Variants in NLGN4X observed in about 807,000 individuals in gnomAD.
NLGN4X encodes the protein neuroligin 4 X-linked, also known as neuroligin-4, X-linked.
NLGN4X carries 3 observed loss-of-function variants against 40.3 expected under a neutral mutation model. The ratio of observed to expected loss-of-function variants is 0.07; its 90% CI spans 0.03 to 0.19. The LOEUF (loss-of-function observed/expected upper bound fraction) is 0.19. NLGN4X is among the 10% of genes least tolerant of loss of function. The probability of loss-of-function intolerance (pLI) is 1.00; values close to 1 mark genes in which losing one functional copy is unlikely to be tolerated. For missense variants in NLGN4X, 382 were observed against 708.3 expected, an observed-to-expected ratio of 0.54 and a Z score of 5.23; for synonymous variants, 270 against 306.8, an observed-to-expected ratio of 0.88 and a Z score of 1.25.
intron 5 of NLGN4X, among the ~76,000 whole-genome samples, chrX:5,897,920 TTC>T (rs75817543): frequency 0.31 from 28,857 of 94,198 alleles, 4,738 homozygotes; most frequent in East Asian, 0.63. Flanking sequence ...CTTCCCTCTT[TTC>T]TCTCTCTTAC....
At chrX:6,193,949 C>T (rs1411765593) in intron 1 of NLGN4X, among the ~76,000 whole-genome samples, 1 of 112,257 alleles carries the variant, frequency 8.9e-6, no homozygotes, top group Non-Finnish European at 1.9e-5. Flanking sequence ...AGAACTAATC[C>T]TCAACCTGCA....
At chrX:6,181,296 C>T (rs2147803226) in intron 1 of NLGN4X, among the ~76,000 whole-genome samples, 1 of 111,559 alleles carries the variant, frequency 9.0e-6, no homozygotes, top group Admixed American at 9.6e-5. Flanking sequence ...ACGCTCATAC[C>T]ACGGAACTAA....
At chrX:5,998,705 T>G (rs2147121089) in intron 3 of NLGN4X, among the ~76,000 whole-genome samples, 1 of 112,309 alleles carries the variant, frequency 8.9e-6, no homozygotes, top group South Asian at 3.7e-4. Context: ...CAGTTGCATT[T>G]TAAACACTGG....
rs186635672 is a variant in NLGN4X, at chrX:6,026,219, A to G, written c.625+3061T>C. 4.2e-3 allele frequency among the ~76,000 whole-genome samples: 426 copies of G among 102,178 alleles called. 4 individuals are homozygous for G. Among genetic ancestry groups the G allele is most frequent in the African/African-American group, 0.014 (407 of 29,362 alleles). 88.7% of individuals were successfully genotyped at this position (102,178 alleles called of 115,157 possible). A position where few individuals can be genotyped will look rare whatever the true frequency, so the allele number is the denominator to read the frequency against. On this transcript the variant is annotated intron_variant, in intron 3 of 5. Coordinates refer to ENST00000381095, the MANE Select transcript of NLGN4X (RefSeq NM_181332.3). ...TTTAATCCTCTCTTTTGGGTAACAG[A>G]GAATAGCATTTGTTACTCCATTAAA...
chrX:6,183,122 T>C (rs1023719460), intron 1 of NLGN4X, among the ~76,000 whole-genome samples: 3 of 112,382 alleles, frequency 2.7e-5, no homozygotes, highest in Admixed American at 9.4e-5. Context: ...CGATTCTCTA[T>C]AACCATCTAG....
At chrX:5,899,873 T>C (rs1258555284) in intron 5 of NLGN4X, among the ~76,000 whole-genome samples, 1 of 111,762 alleles carries the variant, frequency 8.9e-6, no homozygotes, top group Non-Finnish European at 1.9e-5. Context: ...TCATATAAAG[T>C]TTATTTTCAA....
intron 2 of NLGN4X, among the ~76,000 whole-genome samples, chrX:6,029,804 T>A (rs1644857921): frequency 8.9e-6 from 1 of 111,828 alleles, no homozygotes; most frequent in Non-Finnish European, 1.9e-5. Flanking sequence ...ATGAAATATA[T>A]TTTATCTTCT....
chrX:5,906,702 C>T (rs1054164765), intron 4 of NLGN4X, among the ~76,000 whole-genome samples: 1 of 110,700 alleles, frequency 9.0e-6, no homozygotes, highest in African/African-American at 3.3e-5. Context: ...TTTGTACAAA[C>T]GGGGTCTCGC....
chrX:6,000,691 G>T (rs2035950580), intron 3 of NLGN4X, among the ~76,000 whole-genome samples: 1 of 111,716 alleles, frequency 9.0e-6, no homozygotes, highest in Non-Finnish European at 1.9e-5. Context: ...GACCACCTCA[G>T]CCTGGACTTC....
chrX:6,133,056 C>T (rs1369707643), intron 2 of NLGN4X, among the ~76,000 whole-genome samples: 5 of 111,461 alleles, frequency 4.5e-5, no homozygotes, highest in Non-Finnish European at 9.4e-5. Flanking sequence ...TCATTATTAT[C>T]GCCATAAATT....
intron 2 of NLGN4X, among the ~76,000 whole-genome samples, chrX:6,046,993 CATT>C (rs2037341100): frequency 9.3e-6 from 1 of 107,621 alleles, no homozygotes; most frequent in East Asian, 2.9e-4. Flanking sequence ...ATTATACATA[CATT>C]ATTTATTTCA....
intron 3 of NLGN4X, among the ~76,000 whole-genome samples, chrX:5,960,403 A>G (rs944064172): frequency 7.2e-5 from 8 of 111,530 alleles, no homozygotes; most frequent in African/African-American, 2.3e-4. Flanking sequence ...ATTTCACTAT[A>G]TTATACATTT....
At chrX:5,996,963 T>A (rs2035836922) in intron 3 of NLGN4X, among the ~76,000 whole-genome samples, 1 of 111,464 alleles carries the variant, frequency 9.0e-6, no homozygotes, top group Non-Finnish European at 1.9e-5. Context: ...CTTGCGTAGA[T>A]AATCAATAAT....
intron 3 of NLGN4X, 67 bp downstream of exon 3, chrX:6,029,213 G>A (rs935595038): frequency 1.4e-5 from 16 of 1,147,809 alleles, no homozygotes; most frequent in Middle Eastern, 3.3e-4. Flanking sequence ...CACGAGCCCC[G>A]TCAAAACGAG....
intron 2 of NLGN4X, among the ~76,000 whole-genome samples, chrX:6,037,591 CATGAG>C (rs1373355999): frequency 9.0e-6 from 1 of 111,395 alleles, no homozygotes; most frequent in African/African-American, 3.3e-5. Context: ...TATTGTTCTG[CATGAG>C]ATATCATATT....
At chrX:5,916,814 C>A (rs1237207972) in intron 3 of NLGN4X, among the ~76,000 whole-genome samples, 2 of 112,172 alleles carry the variant, frequency 1.8e-5, no homozygotes, top group Non-Finnish European at 3.8e-5. Flanking sequence ...TATTTCGAAG[C>A]ATGTGACTAT....
At chrX:5,932,179 T>TG (rs2033570188) in intron 3 of NLGN4X, among the ~76,000 whole-genome samples, 2 of 111,735 alleles carry the variant, frequency 1.8e-5, no homozygotes, top group Non-Finnish European at 3.8e-5. Flanking sequence ...AAAGAGGCTG[T>TG]TTCTTCCTAA....
chrX:6,085,956 T>A (rs1206686062), intron 2 of NLGN4X, among the ~76,000 whole-genome samples: 1 of 112,319 alleles, frequency 8.9e-6, no homozygotes, highest in Non-Finnish European at 1.9e-5. Context: ...TAGGCAAAGC[T>A]CAGGGCTGAG....
chrX:5,983,053 G>T (rs2035433574), intron 3 of NLGN4X, among the ~76,000 whole-genome samples: 1 of 112,245 alleles, frequency 8.9e-6, no homozygotes, highest in Non-Finnish European at 1.9e-5. Flanking sequence ...CACGCCTGAA[G>T]GTCCCAATCT....
Sources: allele counts gnomAD v4.1 joint callset (sites outside exome capture counted in the v4.1 genomes callset), GRCh38; gene constraint gnomAD v4.1.1; transcripts MANE v1.5; gene names NCBI Gene and HGNC (gene_info 2026-07-23, HGNC 2026-07-21).